FRAS1: variants seen among roughly 807,000 people sequenced by gnomAD.
FRAS1 encodes extracellular matrix organizing protein FRAS1.
In FRAS1, 290 loss-of-function variants were observed where a neutral mutation model predicts 435.2. The ratio of observed to expected loss-of-function variants is 0.67; its 90% confidence interval spans 0.61 to 0.73. FRAS1 has a LOEUF of 0.73. FRAS1 is among the 30% of genes least tolerant of loss of function. The pLI is 0.00. For missense variants in FRAS1, 4,860 were observed against 5,001.5 expected (o/e 0.97, Z 0.85); for synonymous variants, 1,800 against 1,851.0 (o/e 0.97, Z 0.71).
chr4:78,538,590 G>T (rs1008838399), intron 72 of FRAS1, among the ~76,000 whole-genome samples: 1 of 152,102 alleles, frequency 6.6e-6, no homozygotes, highest in Non-Finnish European at 1.5e-5. Flanking sequence ...TAGCAGAAGG[G>T]GAAGCAAATA....
At chr4:78,388,918 T>A (rs1291743387) in intron 29 of FRAS1, among the ~76,000 whole-genome samples, 1 of 152,254 alleles carries the variant, frequency 6.6e-6, no homozygotes, top group African/African-American at 2.4e-5. Flanking sequence ...TTAATATTTT[T>A]CTTTGTATCA....
intron 59 of FRAS1, among the ~76,000 whole-genome samples, chr4:78,491,604 C>G (rs566143972): frequency 2.0e-5 from 3 of 152,084 alleles, no homozygotes; most frequent in Non-Finnish European, 4.4e-5. Context: ...CTTTAACAGC[C>G]CTTCATGATA....
intron 2 of FRAS1, among the ~76,000 whole-genome samples, chr4:78,086,248 C>G (rs188160984): frequency 3.3e-5 from 5 of 152,230 alleles, no homozygotes; most frequent in East Asian, 1.9e-4. Flanking sequence ...ACACAACATA[C>G]CAGAATCTCT....
chr4:78,217,636 G>A (rs1723825846), intron 2 of FRAS1, among the ~76,000 whole-genome samples: 1 of 151,900 alleles, frequency 6.6e-6, no homozygotes, highest in South Asian at 2.1e-4. Flanking sequence ...ACTTCCTCAA[G>A]GCCTGCAAAA....
At chr4:78,087,304 C>G (rs946658459) in intron 2 of FRAS1, among the ~76,000 whole-genome samples, 1 of 151,776 alleles carries the variant, frequency 6.6e-6, no homozygotes, top group South Asian at 2.1e-4. Context: ...TATGACAAAC[C>G]CACAGCCAAT....
At chr4:78,269,605 C>T (rs1035944908) in intron 9 of FRAS1, among the ~76,000 whole-genome samples, 1 of 152,196 alleles carries the variant, frequency 6.6e-6, no homozygotes, top group African/African-American at 2.4e-5. Flanking sequence ...TTAAAATCAG[C>T]ATACAGTTTT....
chr4:78,489,968 C>CAAAACAAAA (rs1553891076), intron 59 of FRAS1, among the ~76,000 whole-genome samples: 1 of 92,598 alleles, frequency 1.1e-5, no homozygotes, highest in Non-Finnish European at 2.1e-5. Flanking sequence ...TAGTGGAAAA[C>CAAAACAAAA]AAAAAAAAAA....
chr4:78,408,503 C>T (rs1733191100), intron 31 of FRAS1, among the ~76,000 whole-genome samples: 1 of 152,092 alleles, frequency 6.6e-6, no homozygotes, highest in Non-Finnish European at 1.5e-5. Flanking sequence ...AAAAATCTTA[C>T]CTTCTAGTTT....
chr4:78,323,817 T>C (rs11721837), intron 18 of FRAS1, among the ~76,000 whole-genome samples: 43,006 of 151,990 alleles, frequency 0.28, 6,490 homozygotes, highest in Non-Finnish European at 0.33. Context: ...CTCTGATTCT[T>C]CTTCTACTAT....
intron 2 of FRAS1, among the ~76,000 whole-genome samples, chr4:78,184,131 C>T (rs757944653): frequency 4.0e-4 from 61 of 152,100 alleles, no homozygotes; most frequent in Non-Finnish European, 6.6e-4. Context: ...ATAAATTGTC[C>T]CATTTATTCC....
At chr4:78,070,036 G>A (rs4386623) in intron 2 of FRAS1, among the ~76,000 whole-genome samples, 6,467 of 151,950 alleles carry the variant, frequency 0.043, 196 homozygotes, top group Admixed American at 0.073. Context: ...CAACTGCCAT[G>A]CAGTTGTCTC....
At chr4:78,189,446 G>A (rs1227222307) in intron 2 of FRAS1, among the ~76,000 whole-genome samples, 1 of 152,130 alleles carries the variant, frequency 6.6e-6, no homozygotes, top group East Asian at 1.9e-4. Context: ...ATTGTTCTTG[G>A]AATACTGAGG....
intron 3 of FRAS1, among the ~76,000 whole-genome samples, chr4:78,240,983 G>A (rs1463011246): frequency 1.3e-5 from 2 of 152,124 alleles, no homozygotes; most frequent in Admixed American, 6.5e-5. Flanking sequence ...AACTTAATAT[G>A]GCCCTTCAGA....
chr4:78,211,919 G>A (rs1723523534), intron 2 of FRAS1, among the ~76,000 whole-genome samples: 1 of 152,044 alleles, frequency 6.6e-6, no homozygotes, highest in African/African-American at 2.4e-5. Flanking sequence ...TTTGCCTATT[G>A]TAGATATTTT....
chr4:78,538,123 T>C (rs1410209936), intron 72 of FRAS1, among the ~76,000 whole-genome samples: 1 of 152,204 alleles, frequency 6.6e-6, no homozygotes, highest in Non-Finnish European at 1.5e-5. Flanking sequence ...ATGTAAAACA[T>C]TGCCAGCTCT....
At chr4:78,205,859 T>G (rs1361559038) in intron 2 of FRAS1, among the ~76,000 whole-genome samples, 2 of 152,000 alleles carry the variant, frequency 1.3e-5, no homozygotes, top group Non-Finnish European at 2.9e-5. Flanking sequence ...GACGCCTGTT[T>G]CCCCAGGGCA....
intron 2 of FRAS1, among the ~76,000 whole-genome samples, chr4:78,216,992 G>A (rs933935979): frequency 4.6e-5 from 7 of 152,158 alleles, no homozygotes; most frequent in African/African-American, 1.7e-4. Context: ...AGTTTTTTTA[G>A]TCAGTGAGAT....
chr4:78,419,094 G>A, intron 33 of FRAS1, 31 bp downstream of exon 33: 2 of 1,245,026 alleles, frequency 1.6e-6, no homozygotes, highest in Non-Finnish European at 2.2e-6. Context: ...TCTTTTGAGT[G>A]ATATTATTAT....
At chr4:78,262,378 A>G (rs1275928998) in intron 6 of FRAS1, among the ~76,000 whole-genome samples, 1 of 152,184 alleles carries the variant, frequency 6.6e-6, no homozygotes, top group Non-Finnish European at 1.5e-5. Context: ...ATATTAAGGG[A>G]GGTGAAAGGC....
Sources: gnomAD v4.1 joint callset for allele counts (sites outside exome capture counted in the v4.1 genomes callset) on GRCh38, gnomAD v4.1.1 for gene constraint, MANE v1.5 for transcripts, NCBI Gene and HGNC (gene_info 2026-07-23, HGNC 2026-07-21) for gene names.